Variants in INPP5D observed in about 807,000 individuals in gnomAD.
INPP5D encodes inositol polyphosphate-5-phosphatase D.
Under a neutral mutation model 122.9 loss-of-function variants are expected in INPP5D, and 33 were observed. The ratio of observed to expected loss-of-function variants is 0.27; its 90% CI spans 0.20 to 0.36. The LOEUF (loss-of-function observed/expected upper bound fraction) is 0.36. INPP5D is among the 10% of genes least tolerant of loss of function. INPP5D has a pLI of 1.00. For synonymous variants in INPP5D, 584 were observed against 576.2 expected, an observed-to-expected ratio of 1.01 and a Z score of -0.19; for missense variants, 1,053 against 1,412.7, an observed-to-expected ratio of 0.75 and a Z score of 4.08.
chr2:233,140,606 C>G (rs1476182587), intron 6 of INPP5D: 2 of 152,242 alleles, frequency 1.3e-5, no homozygotes, highest in Middle Eastern at 3.2e-3. Context: ...CATCGGGGCT[C>G]AAGCGATCCA....
chr2:233,074,769 G>A (rs1220497505), intron 1 of INPP5D, among the ~76,000 whole-genome samples: 4 of 151,926 alleles, frequency 2.6e-5, no homozygotes, highest in Non-Finnish European at 5.9e-5. Flanking sequence ...AGTCACAAAA[G>A]GATTTAAAAG....
intron 1 of INPP5D, among the ~76,000 whole-genome samples, chr2:233,064,367 C>T (rs1691154673): frequency 6.6e-6 from 1 of 152,232 alleles, no homozygotes; most frequent in South Asian, 2.1e-4. Flanking sequence ...CCACAGGCCA[C>T]CCAGGCACCA....
intron 6 of INPP5D, 52 bp from the exon 7 acceptor site, chr2:233,146,110 G>A (rs539875112): frequency 2.8e-6 from 2 of 704,008 alleles, no homozygotes; most frequent in Non-Finnish European, 2.6e-6. Flanking sequence ...ATTGCCTCTC[G>A]ATGGTTCAGG....
In INPP5D at chr2:233,160,935, C is replaced by T. The variant is rs1478921856; in HGVS notation, c.1138-789C>T. On this transcript the variant is annotated intron_variant, in intron 10 of 26. Transcript: ENST00000445964. This position sits in a 1 kb window ranked among gnomAD's most constrained non-coding sequence, Gnocchi z 4.2. ...CAGGCATGAGCCACTGTGCCAGGCCCAAATGTTTTATTAAAAATGCAATGA... is the reference window on the plus strand; with the variant it reads ...CAGGCATGAGCCACTGTGCCAGGCCTAAATGTTTTATTAAAAATGCAATGA... Among the ~76,000 whole-genome samples the T allele has an allele frequency of 6.6e-6, 1 of 151,938 alleles. No homozygotes were observed. Among genetic ancestry groups the T allele is most frequent in the African/African-American group, 2.4e-5 (1 of 41,358 alleles).
intron 25 of INPP5D, among the ~76,000 whole-genome samples, chr2:233,199,471 G>A (rs1695274724): frequency 6.6e-6 from 1 of 151,786 alleles, no homozygotes; most frequent in East Asian, 1.9e-4. Flanking sequence ...AGGAGGCAGA[G>A]GTTGCAGTGA....
chr2:233,175,681 C>CTT (rs1264109025), intron 17 of INPP5D, among the ~76,000 whole-genome samples: 3 of 144,592 alleles, frequency 2.1e-5, no homozygotes, highest in East Asian at 4.4e-4. Flanking sequence ...AAAATAAAAA[C>CTT]TTTTGTTTTT....
chr2:233,096,704 C>A (rs1289192420), intron 2 of INPP5D, among the ~76,000 whole-genome samples: 1 of 152,132 alleles, frequency 6.6e-6, no homozygotes, highest in Non-Finnish European at 1.5e-5. Context: ...ATTTGTGTTT[C>A]TTTTCCTGTC....
rs1319224531 is a variant in INPP5D, at chr2:233,166,473, C to A, written c.1555+2049C>A. 2.6e-5 allele frequency among the ~76,000 whole-genome samples: 4 copies of A among 152,278 alleles called. No individual in the cohort carries two copies. In the East Asian group the frequency reaches 7.7e-4, roughly 29 times the overall value. On this transcript the variant is annotated intron_variant, in intron 13 of 26. Transcript: ENST00000445964. The stretch of plus-strand genomic sequence containing the variant: ...GTGGGCAGAGAGCAGAGGTCAGGGG[C>A]CTCCCTGAGAAGGGCAGTGCGACTG...
At chr2:233,167,194 G>A (rs1451378709) in intron 13 of INPP5D, among the ~76,000 whole-genome samples, 1 of 135,340 alleles carries the variant, frequency 7.4e-6, no homozygotes, top group Non-Finnish European at 1.6e-5. Context: ...AACATAGGAA[G>A]GTACCATTTC....
In INPP5D at chr2:233,063,899, G is replaced by A. The variant is rs950475105; in HGVS notation, c.134+3287G>A. 1.2e-4 allele frequency among the ~76,000 whole-genome samples: 19 copies of A among 152,290 alleles called. 1 individual carries two copies. Among genetic ancestry groups the A allele is most frequent in the African/African-American group, 4.1e-4 (17 of 41,484 alleles). ...GAGTCTGTGGGTGCCTCCAGGGGAC[G>A]TTGGGTACATCGTGGGTGGGAGACA... On this transcript the variant is annotated intron_variant, in intron 1 of 26. Transcript: ENST00000445964.
intron 2 of INPP5D, among the ~76,000 whole-genome samples, chr2:233,110,761 T>TA (rs1559296894): frequency 6.6e-6 from 1 of 151,954 alleles, no homozygotes; most frequent in Non-Finnish European, 1.5e-5. Context: ...GCATCTCTAC[T>TA]AAAAAATACA....
chr2:233,108,337 C>T (rs1379635191), intron 2 of INPP5D, among the ~76,000 whole-genome samples: 4 of 152,230 alleles, frequency 2.6e-5, no homozygotes, highest in East Asian at 3.8e-4. Context: ...GGATGCTGCT[C>T]TTCTGACAGC....
intron 5 of INPP5D, among the ~76,000 whole-genome samples, chr2:233,137,874 A>ACATATATATG (rs1170496487): frequency 3.1e-5 from 2 of 65,158 alleles, no homozygotes; most frequent in African/African-American, 9.7e-5. Context: ...ATATATATAT[A>ACATATATATG]TATATATATA....
chr2:233,195,580 T>A (rs1314017114), intron 24 of INPP5D, 85 bp downstream of exon 24: 2 of 1,585,306 alleles, frequency 1.3e-6, no homozygotes, highest in African/African-American at 2.7e-5. Context: ...GGTGCGATGG[T>A]TCACGCCCAT....
intron 1 of INPP5D, among the ~76,000 whole-genome samples, chr2:233,067,353 C>T (rs1368162104): frequency 6.6e-6 from 1 of 152,222 alleles, no homozygotes; most frequent in Non-Finnish European, 1.5e-5. Context: ...TGTCAAGCTT[C>T]ATCTGTGTTG....
chr2:233,167,227 A>G (rs931348873), intron 13 of INPP5D, among the ~76,000 whole-genome samples: 3 of 143,678 alleles, frequency 2.1e-5, no homozygotes, highest in Non-Finnish European at 3.1e-5. Flanking sequence ...AAAAAAAAAA[A>G]TGGCATAGTA....
In INPP5D at chr2:233,206,996, A is replaced by G. The variant is rs965754906; in HGVS notation, c.*288A>G. Reference sequence around the variant, plus strand: ...ACCCCAGTGCCTCGTTGAGGGCGCCATTCTGAAGAAAGGAACTGCAGCGCC... The same window carrying G: ...ACCCCAGTGCCTCGTTGAGGGCGCCGTTCTGAAGAAAGGAACTGCAGCGCC... On this transcript the variant is annotated 3_prime_UTR_variant, in exon 27 of 27. Coordinates refer to ENST00000445964, the MANE Select transcript of INPP5D (RefSeq NM_001017915.3). This position sits in a 1 kb window ranked among gnomAD's most constrained non-coding sequence, Gnocchi z 4.0. 3 of 409,436 alleles carry G rather than the reference A, an allele frequency of 7.3e-6. No homozygotes were observed. The highest frequency in any genetic ancestry group is 4.8e-5 in the East Asian group (1 of 20,866). The allele number at this position is 409,436 out of a possible 1,614,324, so 25.4% of individuals were successfully genotyped here.
chr2:233,170,348 C>A lies in INPP5D; in HGVS notation c.1792-148C>A. On this transcript the variant is annotated intron_variant, in intron 15 of 26. Transcript: ENST00000445964. The surrounding 1 kb of genome is among the most constrained non-coding windows in gnomAD (Gnocchi z 4.5). ...CCGCTCCTCACGGTTCCCCTGTGCT[C>A]ACACCCGGTTCCCATAACTGTCACA... is the stretch of plus-strand genomic sequence containing the variant. The A allele has an allele frequency of 6.7e-7, 1 of 1,486,806 alleles. No homozygotes were observed. The highest frequency in any genetic ancestry group is 2.1e-5 in the Admixed American group (1 of 47,126). 92.1% of individuals were successfully genotyped at this position (1,486,806 alleles called of 1,614,324 possible).
intron 22 of INPP5D, among the ~76,000 whole-genome samples, chr2:233,193,079 G>C (rs978228833): frequency 3.3e-5 from 5 of 152,210 alleles, no homozygotes; most frequent in African/African-American, 9.6e-5. Flanking sequence ...CGTAGAGAGG[G>C]GGTTTCAACA....
Sources: gnomAD v4.1 joint callset for allele counts (sites outside exome capture counted in the v4.1 genomes callset) on GRCh38, gnomAD v4.1.1 for gene constraint, Gnocchi (gnomAD v3.1) non-coding constraint, MANE v1.5 for transcripts, NCBI Gene and HGNC (gene_info 2026-07-23, HGNC 2026-07-21) for gene names.